The following CREB5 variants were observed in gnomAD, a reference collection of about 807,000 sequenced individuals.
CREB5 encodes the protein cAMP responsive element binding protein 5, also known as cyclic AMP-responsive element-binding protein 5.
A neutral mutation model predicts 57.1 loss-of-function variants in CREB5; 19 were observed. That is an observed-to-expected ratio of 0.33 (90% CI 0.23 to 0.49). The LOEUF (loss-of-function observed/expected upper bound fraction) is 0.49, where lower values mean the gene tolerates loss of function less well. Ranked by LOEUF, CREB5 falls within the 20% of genes least tolerant of loss-of-function variation. The pLI, the probability that CREB5 is intolerant of heterozygous loss-of-function variation, is 0.99. For synonymous variants in CREB5, 238 were observed against 238.3 expected, an observed-to-expected ratio of 1.00 and a Z score of 0.01; for missense variants, 579 against 671.6, an observed-to-expected ratio of 0.86 and a Z score of 1.52.
At chr7:28,420,156 A>G (rs1001004521) in intron 1 of CREB5, among the ~76,000 whole-genome samples, 2 of 151,958 alleles carry the variant, frequency 1.3e-5, no homozygotes, top group Non-Finnish European at 2.9e-5. Flanking sequence ...GGAGAAAAAG[A>G]GTACATATAA....
At chr7:28,329,997 C>T (rs542319629) in intron 1 of CREB5, among the ~76,000 whole-genome samples, 4 of 152,360 alleles carry the variant, frequency 2.6e-5, no homozygotes, top group African/African-American at 9.6e-5. Context: ...AGTTCATCCA[C>T]TCTGGCAGCA....
chr7:28,306,568 T>TTTTTTTTTTTTTTTTTTTGTTTG (rs1785191302), intron 1 of CREB5, among the ~76,000 whole-genome samples: 2 of 132,714 alleles, frequency 1.5e-5, no homozygotes, highest in Admixed American at 7.6e-5. Context: ...TTTTTTTTTT[T>TTTTTTTTTTTTTTTTTTTGTTTG]TTTTTTTTTT....
At position 28,819,327 on chromosome 7, in the gene CREB5, C is replaced by A. The variant is rs776577343; in HGVS notation, c.*48C>A. The A allele has an allele frequency of 6.4e-7, 1 of 1,555,052 alleles. No individual in the cohort carries two copies. Among genetic ancestry groups the A allele is most frequent in the Non-Finnish European group, 8.7e-7 (1 of 1,151,152 alleles). On this transcript the variant is annotated 3_prime_UTR_variant, in exon 11 of 11. Transcript: ENST00000357727. ...CCAAGAAGAGCTGTAGCGTACCATGCGTCCTTTCTTTTAAGGGCATTTTTA... is the reference window on the plus strand; with the variant it reads ...CCAAGAAGAGCTGTAGCGTACCATGAGTCCTTTCTTTTAAGGGCATTTTTA...
At chr7:28,383,767 G>A (rs888101425) in intron 1 of CREB5, among the ~76,000 whole-genome samples, 10 of 152,184 alleles carry the variant, frequency 6.6e-5, no homozygotes, top group Non-Finnish European at 1.0e-4. Context: ...CTGGACATGC[G>A]ATTTGGGTGG....
chr7:28,429,183 T>C (rs1040574929), intron 1 of CREB5, among the ~76,000 whole-genome samples: 1 of 152,078 alleles, frequency 6.6e-6, no homozygotes, highest in African/African-American at 2.4e-5. Context: ...CTTGCTACCA[T>C]GACCAGCTAA....
chr7:28,773,084 C>T (rs759119703), intron 7 of CREB5, among the ~76,000 whole-genome samples: 7 of 152,150 alleles, frequency 4.6e-5, no homozygotes, highest in African/African-American at 7.2e-5. Context: ...TAAATTCCTC[C>T]TTTAAGCGCC....
intron 5 of CREB5, among the ~76,000 whole-genome samples, chr7:28,605,823 C>T (rs1797110922): frequency 6.6e-6 from 1 of 152,108 alleles, no homozygotes; most frequent in Non-Finnish European, 1.5e-5. Context: ...AACCCTAGAA[C>T]AGGCAAAATG....
intron 1 of CREB5, among the ~76,000 whole-genome samples, chr7:28,385,270 A>G (rs971166786): frequency 2.6e-5 from 4 of 152,210 alleles, no homozygotes; most frequent in Non-Finnish European, 5.9e-5. Context: ...TTTTTACAAA[A>G]AAAAGAATCT....
intron 4 of CREB5, among the ~76,000 whole-genome samples, chr7:28,542,604 C>T (rs151075194): frequency 2.6e-4 from 40 of 152,260 alleles, no homozygotes; most frequent in African/African-American, 8.2e-4. Flanking sequence ...GTGTGACCCT[C>T]TCTCTGCTGC....
chr7:28,396,442 A>G (rs1787337332), intron 1 of CREB5, among the ~76,000 whole-genome samples: 1 of 152,218 alleles, frequency 6.6e-6, no homozygotes, highest in Admixed American at 6.5e-5. Context: ...GGTATGGCAT[A>G]CGTATCTAAT....
chr7:28,698,525 A>G (rs987588831), intron 5 of CREB5, among the ~76,000 whole-genome samples: 16 of 152,320 alleles, frequency 1.1e-4, no homozygotes, highest in African/African-American at 3.4e-4. Flanking sequence ...GAGGATAGGC[A>G]GTATTTGCTA....
intron 7 of CREB5, among the ~76,000 whole-genome samples, chr7:28,751,632 A>G (rs1489621479): frequency 6.6e-6 from 1 of 152,062 alleles, no homozygotes; most frequent in Non-Finnish European, 1.5e-5. Context: ...ATTTTAAACT[A>G]ATGGAAAAGT....
chr7:28,568,719 G>C (rs1795578212), intron 4 of CREB5, among the ~76,000 whole-genome samples: 1 of 152,162 alleles, frequency 6.6e-6, no homozygotes, highest in Admixed American at 6.5e-5. Flanking sequence ...CACAGTCTAA[G>C]CCAGGTGCCC....
chr7:28,712,368 C>T (rs1802439171), intron 5 of CREB5, among the ~76,000 whole-genome samples: 1 of 151,516 alleles, frequency 6.6e-6, no homozygotes, highest in Admixed American at 6.6e-5. Context: ...ATTACCCCGG[C>T]ATAGTGGCAC....
chr7:28,468,261 C>T (rs547473271), intron 1 of CREB5, among the ~76,000 whole-genome samples: 3 of 152,216 alleles, frequency 2.0e-5, no homozygotes, highest in Non-Finnish European at 2.9e-5. Flanking sequence ...GTGCCAAGCA[C>T]GTTAAAGATA....
chr7:28,757,051 T>C (rs940404427), intron 7 of CREB5, among the ~76,000 whole-genome samples: 4 of 152,218 alleles, frequency 2.6e-5, no homozygotes, highest in Non-Finnish European at 4.4e-5. Flanking sequence ...GTTGCATTAT[T>C]GCCAGTTTTC....
intron 7 of CREB5, among the ~76,000 whole-genome samples, chr7:28,761,140 G>A (rs1198946358): frequency 6.6e-6 from 1 of 152,150 alleles, no homozygotes; most frequent in African/African-American, 2.4e-5. Flanking sequence ...GTTAGAAAGT[G>A]AGACAAAGAA....
At position 28,507,717 on chromosome 7, in the gene CREB5, G is replaced by C. The variant is rs1562763639; in HGVS notation, c.271G>C (p.Glu91Gln). 4 of 1,607,564 alleles carry C rather than the reference G, an allele frequency of 2.5e-6. No homozygotes were observed. The highest frequency in any genetic ancestry group is 2.6e-6 in the Non-Finnish European group (3 of 1,174,786). The change falls in exon 4 of 11, where the codon GAA becomes CAA. Residue 91 changes from glutamate (E) to glutamine (Q), a missense_variant. Coordinates refer to ENST00000357727, the MANE Select transcript of CREB5 (RefSeq NM_182898.4). ...GGAGCACGAGTTCAGGAAGGCTCAG[G>C]AAGAGGAGAGCAGCAAGCGGGTAGG... Reference protein sequence around the residue: ...SLEHEFRKAQEEESSKRNISM... With the variant: ...SLEHEFRKAQQEESSKRNISM...
rs533617686 is a variant in CREB5, at chr7:28,453,841, A to C, written c.4-34334A>C. 3.9e-5 allele frequency among the ~76,000 whole-genome samples: 6 copies of C among 152,382 alleles called. No homozygotes were observed. In the South Asian group the frequency reaches 1.0e-3, roughly 26 times the overall value. ...GATGAAACAAAATAAAATCTTTGTA[A>C]ATGAAAATGCTGCCCTCTTTACTTT... On this transcript the variant is annotated intron_variant, in intron 1 of 10. Coordinates refer to ENST00000357727, the MANE Select transcript of CREB5 (RefSeq NM_182898.4).
Sources: gnomAD v4.1 joint callset for allele counts (sites outside exome capture counted in the v4.1 genomes callset) on GRCh38, gnomAD v4.1.1 for gene constraint, MANE v1.5 for transcripts, NCBI Gene and HGNC (gene_info 2026-07-23, HGNC 2026-07-21) for gene names.